TPO: variants seen among roughly 807,000 people sequenced by gnomAD.
The protein encoded by TPO is thyroid microsomal antigen.
In TPO, 78 loss-of-function variants were observed where a neutral mutation model predicts 96.9. The observed-to-expected ratio is 0.81, with a 90% CI of 0.67 to 0.97. The LOEUF (loss-of-function observed/expected upper bound fraction) is 0.97. TPO is among the 50% of genes least tolerant of loss of function. The pLI is 0.00. For missense variants in TPO, 1,252 were observed against 1,274.8 expected (o/e 0.98, Z 0.27); for synonymous variants, 547 against 538.0 (o/e 1.02, Z -0.23).
At chr2:1,398,712 C>A (rs1393872223) in intron 1 of TPO, among the ~76,000 whole-genome samples, 1 of 152,224 alleles carries the variant, frequency 6.6e-6, no homozygotes, top group Non-Finnish European at 1.5e-5. Flanking sequence ...GCGTGGGGGT[C>A]TCTATCTCTG....
At chr2:1,393,034 A>C (rs1163538129) in intron 1 of TPO, among the ~76,000 whole-genome samples, 1 of 152,198 alleles carries the variant, frequency 6.6e-6, no homozygotes, top group African/African-American at 2.4e-5. Flanking sequence ...CATTCTCATA[A>C]TGGTATAAAG....
chr2:1,496,363 G>A (rs1185415770), intron 12 of TPO, among the ~76,000 whole-genome samples, 166 bp downstream of exon 12: 1 of 151,790 alleles, frequency 6.6e-6, no homozygotes, highest in African/African-American at 2.4e-5. Context: ...GGCGGGGCGG[G>A]GCCCTTCTCT....
At chr2:1,523,428 A>G (rs1409720502) in intron 15 of TPO, among the ~76,000 whole-genome samples, 12 of 134,006 alleles carry the variant, frequency 9.0e-5, no homozygotes, top group Admixed American at 6.9e-4. Context: ...ACTCTGTGCA[A>G]CCTCCCCAAA....
At position 1,431,028 on chromosome 2, in the gene TPO, T is replaced by G. The variant is rs907193457; in HGVS notation, c.180-2410T>G. Among the ~76,000 whole-genome samples the G allele has an allele frequency of 3.9e-5, 6 of 152,282 alleles. No individual in the cohort carries two copies. The South Asian group carries it at 1.2e-3, about 32-fold the overall frequency. ...GAATGCGCAATTGTATTTTGGAATGTGAGAAAGGTGTGGGATTTGGGGGAA... is the reference window on the plus strand; with the variant it reads ...GAATGCGCAATTGTATTTTGGAATGGGAGAAAGGTGTGGGATTTGGGGGAA... On this transcript the variant is annotated intron_variant, in intron 3 of 16. Transcript: ENST00000329066.
intron 1 of TPO, among the ~76,000 whole-genome samples, chr2:1,405,819 A>T (rs938321994): frequency 1.3e-5 from 2 of 152,318 alleles, no homozygotes; most frequent in South Asian, 4.1e-4. Flanking sequence ...CTCAGTAATT[A>T]TTTGGTTTAT....
intron 15 of TPO, among the ~76,000 whole-genome samples, chr2:1,529,024 C>G (rs1387198932): frequency 7.0e-6 from 1 of 143,212 alleles, no homozygotes; most frequent in Non-Finnish European, 1.5e-5. Context: ...TCCTCAAATC[C>G]CAACTCTGTG....
chr2:1,531,241 G>T (rs72490798), intron 15 of TPO, among the ~76,000 whole-genome samples: 10,798 of 62,754 alleles, frequency 0.17, 1,093 homozygotes, highest in Middle Eastern at 0.29. Flanking sequence ...GTGTGCAACC[G>T]CCTCATATTC....
intron 16 of TPO, 185 bp from the exon 17 acceptor site, chr2:1,542,236 C>T (rs1416901027): frequency 2.5e-6 from 2 of 784,634 alleles, no homozygotes; most frequent in Non-Finnish European, 2.1e-6. Context: ...CTCCTGCAAA[C>T]AAGCATTTGT....
intron 15 of TPO, among the ~76,000 whole-genome samples, chr2:1,530,419 C>T (rs1299161324): frequency 2.7e-5 from 4 of 149,128 alleles, no homozygotes; most frequent in African/African-American, 1.0e-4. Flanking sequence ...TATTCAACCT[C>T]TCCAAATCCC....
chr2:1,376,523 C>T (rs923837702), intron 1 of TPO, among the ~76,000 whole-genome samples: 11 of 152,236 alleles, frequency 7.2e-5, no homozygotes, highest in Admixed American at 5.9e-4. Context: ...GGTGATTACA[C>T]GGGGCATTCG....
At chr2:1,377,921 T>C (rs1370381761) in intron 1 of TPO, among the ~76,000 whole-genome samples, 1 of 152,166 alleles carries the variant, frequency 6.6e-6, no homozygotes, top group East Asian at 1.9e-4. Flanking sequence ...GAATTGTAGC[T>C]CCCATAATTT....
intron 1 of TPO, among the ~76,000 whole-genome samples, chr2:1,392,602 C>T (rs886362918): frequency 2.6e-5 from 4 of 152,126 alleles, no homozygotes; most frequent in African/African-American, 9.7e-5. Flanking sequence ...TTTGTACCTC[C>T]GGTAGAATTC....
chr2:1,461,899 T>G (rs1237608721), intron 7 of TPO, among the ~76,000 whole-genome samples: 1 of 152,144 alleles, frequency 6.6e-6, no homozygotes. Flanking sequence ...GTGATGCCCG[T>G]GGAGACCCCC....
chr2:1,410,046 G>A (rs1490175922), upstream of TPO, among the ~76,000 whole-genome samples: 1 of 152,000 alleles, frequency 6.6e-6, no homozygotes, highest in Admixed American at 6.5e-5. Flanking sequence ...TCAGTTGCAG[G>A]ATAAAAATGT....
intron 13 of TPO, among the ~76,000 whole-genome samples, chr2:1,498,569 G>A (rs1407358968): frequency 4.6e-5 from 7 of 152,182 alleles, no homozygotes; most frequent in Non-Finnish European, 8.8e-5. Context: ...TGCCAGATTT[G>A]CAGACGTGCT....
chr2:1,414,915 A>G (rs902376262), intron 2 of TPO, among the ~76,000 whole-genome samples: 2 of 152,276 alleles, frequency 1.3e-5, no homozygotes, highest in Non-Finnish European at 2.9e-5. Context: ...TCACAGATCA[A>G]GCTCTTTGCT....
At chr2:1,376,273 C>T (rs1302457113) in intron 1 of TPO, among the ~76,000 whole-genome samples, 1 of 152,220 alleles carries the variant, frequency 6.6e-6, no homozygotes, top group Non-Finnish European at 1.5e-5. Flanking sequence ...GTCTTTATTC[C>T]TTTCCAGTGA....
At chr2:1,498,895 G>A (rs28912984) in intron 13 of TPO, among the ~76,000 whole-genome samples, 4,446 of 152,216 alleles carry the variant, frequency 0.029, 127 homozygotes, top group South Asian at 0.13. Flanking sequence ...CTTCACTCAC[G>A]ATTCCTGGTT....
chr2:1,537,966 A>G (rs79849404), intron 15 of TPO, among the ~76,000 whole-genome samples: 939 of 69,148 alleles, frequency 0.014, 20 homozygotes, highest in East Asian at 0.12. Flanking sequence ...AGTGTGTGCA[A>G]CCTTCTCAAA....
Sources: allele counts gnomAD v4.1 joint callset (sites outside exome capture counted in the v4.1 genomes callset), GRCh38; gene constraint gnomAD v4.1.1; transcripts MANE v1.5; gene names NCBI Gene and HGNC (gene_info 2026-07-23, HGNC 2026-07-21).